The following ATP8A2 variants were observed in gnomAD, a reference collection of about 807,000 sequenced individuals.
ATP8A2 encodes ATPase phospholipid transporting 8A2.
ATP8A2 carries 100 observed loss-of-function variants against 165.6 expected under a neutral mutation model. That is an observed-to-expected ratio of 0.60 (90% confidence interval 0.51 to 0.71). The LOEUF is 0.71. ATP8A2 is among the 30% of genes least tolerant of loss of function. The probability of loss-of-function intolerance (pLI) is 0.00; values close to 1 mark genes in which losing one functional copy is unlikely to be tolerated. For missense variants in ATP8A2, 1,227 were observed against 1,479.5 expected (o/e 0.83, Z 2.80); for synonymous variants, 543 against 548.8 (o/e 0.99, Z 0.15).
chr13:25,465,558 ATTTT>A (rs35250359), intron 1 of ATP8A2, among the ~76,000 whole-genome samples: 1 of 140,430 alleles, frequency 7.1e-6, no homozygotes, highest in African/African-American at 2.6e-5. Flanking sequence ...TTTATCAGTG[ATTTT>A]TTTTTTTTTG....
chr13:25,826,186 A>G (rs1593407290), intron 27 of ATP8A2, among the ~76,000 whole-genome samples: 1 of 152,224 alleles, frequency 6.6e-6, no homozygotes, highest in Non-Finnish European at 1.5e-5. Context: ...AAACTTTAAT[A>G]TCACTTTGTA....
At chr13:25,709,515 T>TA (rs2043118094) in intron 25 of ATP8A2, among the ~76,000 whole-genome samples, 1 of 150,106 alleles carries the variant, frequency 6.7e-6, no homozygotes, top group African/African-American at 2.5e-5. Context: ...GATGAATAGA[T>TA]ACTGAGTTTT....
At chr13:25,985,858 G>A (rs544312170) in intron 35 of ATP8A2, among the ~76,000 whole-genome samples, 11 of 152,346 alleles carry the variant, frequency 7.2e-5, no homozygotes, top group African/African-American at 2.6e-4. Context: ...ACCTGTCCAT[G>A]TAGGAAGATT....
At chr13:25,886,242 C>G (rs1410158479) in intron 33 of ATP8A2, among the ~76,000 whole-genome samples, 1 of 152,174 alleles carries the variant, frequency 6.6e-6, no homozygotes, top group Non-Finnish European at 1.5e-5. Flanking sequence ...GGACACCTGT[C>G]CCTCCCAAAA....
intron 30 of ATP8A2, among the ~76,000 whole-genome samples, chr13:25,858,965 G>A (rs1952253034): frequency 6.6e-6 from 1 of 152,008 alleles, no homozygotes; most frequent in Non-Finnish European, 1.5e-5. Flanking sequence ...AGCACTTTGG[G>A]AGCCTGAGGC....
Position 25,541,993 on chromosome 13 carries a change from G to A in ATP8A2, c.726G>A (p.Gly242=), listed in dbSNP as rs557517183. ...MKLSGTIECE[G]PNRHLYDFTG... Reference sequence around the variant, plus strand: ...TATCTGGAACTATAGAGTGTGAAGGGCCCAACCGCCACCTCTATGACTTCA... The same window carrying A: ...TATCTGGAACTATAGAGTGTGAAGGACCCAACCGCCACCTCTATGACTTCA... The change falls in exon 9 of 37, where the codon GGG becomes GGA. Residue 242 remains glycine (G), a synonymous_variant. Transcript: ENST00000381655. 6.2e-7 allele frequency: 1 copy of A among 1,614,022 alleles called. No homozygotes were observed. The highest frequency in any genetic ancestry group is 1.3e-5 in the African/African-American group (1 of 75,002).
At chr13:25,990,346 A>G (rs1316668319) in intron 35 of ATP8A2, among the ~76,000 whole-genome samples, 1 of 151,904 alleles carries the variant, frequency 6.6e-6, no homozygotes, top group Non-Finnish European at 1.5e-5. Flanking sequence ...CACACAAACT[A>G]TGTCGTGAAA....
Position 25,598,026 on chromosome 13 carries a change from A to G in ATP8A2, c.2211+8327A>G, listed in dbSNP as rs147465442. Among the ~76,000 whole-genome samples, 81 of 152,152 alleles carry G rather than the reference A, an allele frequency of 5.3e-4. 1 individual carries two copies. Among genetic ancestry groups the G allele is most frequent in the African/African-American group, 1.7e-3 (70 of 41,486 alleles). The stretch of plus-strand genomic sequence containing the variant: ...TTTGTAGTTTTAGCTTGTAAGTTTA[A>G]GTCTGTGATCCATTATTGTGCATGG... On this transcript the variant is annotated intron_variant, in intron 24 of 36. Transcript: ENST00000381655.
At chr13:25,563,664 A>G (rs2039228036) in intron 15 of ATP8A2, among the ~76,000 whole-genome samples, 1 of 152,150 alleles carries the variant, frequency 6.6e-6, no homozygotes. Context: ...GCCAACTGAA[A>G]TGCCAGCCAT....
At chr13:25,672,622 T>A (rs1011482671) in intron 24 of ATP8A2, among the ~76,000 whole-genome samples, 2 of 152,228 alleles carry the variant, frequency 1.3e-5, no homozygotes, top group Admixed American at 1.3e-4. Context: ...CTATTTATTT[T>A]CTTCATTCTC....
chr13:25,669,345 G>C (rs1234250314), intron 24 of ATP8A2, among the ~76,000 whole-genome samples: 1 of 152,106 alleles, frequency 6.6e-6, no homozygotes, highest in African/African-American at 2.4e-5. Context: ...CCAGTTATGT[G>C]ACAGAGGATT....
At chr13:25,619,553 G>C (rs2040915627) in intron 24 of ATP8A2, among the ~76,000 whole-genome samples, 1 of 152,122 alleles carries the variant, frequency 6.6e-6, no homozygotes, top group South Asian at 2.1e-4. Context: ...AGTAACCCTA[G>C]GGATATCTGT....
At chr13:25,505,131 T>C (rs1356222636) in intron 2 of ATP8A2, among the ~76,000 whole-genome samples, 1 of 145,370 alleles carries the variant, frequency 6.9e-6, no homozygotes, top group African/African-American at 2.5e-5. Flanking sequence ...TTGCTTTGAC[T>C]CCAGTCTCAA....
At chr13:25,711,641 C>T (rs974802660) in intron 25 of ATP8A2, among the ~76,000 whole-genome samples, 2 of 152,088 alleles carry the variant, frequency 1.3e-5, no homozygotes, top group African/African-American at 4.8e-5. Context: ...AAGGTAGAGG[C>T]CCGTGTAATA....
chr13:25,823,355 C>A lies in ATP8A2; in HGVS notation c.2680-4763C>A, dbSNP rs569884154. Among the ~76,000 whole-genome samples, 3 of 152,098 alleles carry A rather than the reference C, an allele frequency of 2.0e-5. No homozygotes were observed. The East Asian group carries it at 5.8e-4, about 29-fold the overall frequency. ...CTTTGAATAGTGTCTTTTTCATGTT[C>A]ATTTGACATGTTTATCTTATATGTA... On this transcript the variant is annotated intron_variant, in intron 27 of 36. Coordinates refer to ENST00000381655, the MANE Select transcript of ATP8A2 (RefSeq NM_016529.6).
chr13:25,770,766 A>G (rs1216103231), intron 26 of ATP8A2, among the ~76,000 whole-genome samples: 3 of 152,216 alleles, frequency 2.0e-5, no homozygotes, highest in African/African-American at 7.2e-5. Flanking sequence ...GCGATACATC[A>G]TGAATAGATG....
chr13:25,913,016 T>A (rs985147973), intron 33 of ATP8A2, among the ~76,000 whole-genome samples: 1 of 152,192 alleles, frequency 6.6e-6, no homozygotes, highest in Non-Finnish European at 1.5e-5. Context: ...CATCCCTACG[T>A]GTAGGTTCCT....
intron 1 of ATP8A2, among the ~76,000 whole-genome samples, chr13:25,431,734 A>G (rs760815395): frequency 1.3e-5 from 2 of 152,246 alleles, no homozygotes; most frequent in African/African-American, 2.4e-5. Context: ...CATACAGAAA[A>G]TTATAGGAAT....
intron 12 of ATP8A2, 116 bp downstream of exon 12, chr13:25,554,036 C>A: frequency 8.9e-7 from 1 of 1,126,164 alleles, no homozygotes; most frequent in Non-Finnish European, 1.3e-6. Flanking sequence ...GGTCCAGGGG[C>A]TTAAACTGGC....
Sources: allele counts gnomAD v4.1 joint callset (sites outside exome capture counted in the v4.1 genomes callset), GRCh38; gene constraint gnomAD v4.1.1; transcripts MANE v1.5; gene names NCBI Gene and HGNC (gene_info 2026-07-23, HGNC 2026-07-21).